Variants in KDM2B observed in about 807,000 individuals in gnomAD.
KDM2B encodes lysine demethylase 2B.
KDM2B carries 26 observed loss-of-function variants against 150.0 expected under a neutral mutation model. That is an observed-to-expected ratio of 0.17 (90% CI 0.13 to 0.24). The LOEUF (loss-of-function observed/expected upper bound fraction) is 0.24. Among genes scored for constraint, KDM2B ranks in the 10% least tolerant of loss-of-function variants. KDM2B has a pLI of 1.00. For synonymous variants in KDM2B, 734 were observed against 729.5 expected (o/e 1.01, Z -0.10); for missense variants, 1,265 against 1,816.9 (o/e 0.70, Z 5.52).
intron 4 of KDM2B, among the ~76,000 whole-genome samples, chr12:121,551,584 G>A (rs571798108): frequency 2.1e-4 from 32 of 152,042 alleles, no homozygotes; most frequent in Non-Finnish European, 2.1e-4. Context: ...ACAAAGTCTC[G>A]CTCTGTCGCC....
At chr12:121,560,523 C>A (rs1383365479) in intron 4 of KDM2B, among the ~76,000 whole-genome samples, 1 of 152,070 alleles carries the variant, frequency 6.6e-6, no homozygotes, top group Non-Finnish European at 1.5e-5. Context: ...TGGGGTTTCC[C>A]TTTGAAATTC....
chr12:121,499,895 G>A (rs1282115068), intron 11 of KDM2B, among the ~76,000 whole-genome samples: 6 of 151,988 alleles, frequency 3.9e-5, no homozygotes, highest in Non-Finnish European at 5.9e-5. Flanking sequence ...GTTACAGTGA[G>A]CCAAGATCGC....
chr12:121,580,435 C>G (rs1348782568), intron 1 of KDM2B: 3 of 1,157,286 alleles, frequency 2.6e-6, no homozygotes, highest in African/African-American at 1.6e-5. Context: ...CCGTTAGCGC[C>G]GTGGCATCGC....
In KDM2B at chr12:121,513,715, C is replaced by T. The variant is rs939607501; in HGVS notation, c.1048-313G>A. ...AAAACAGAATTCTCCCCTGACCTGCCTGCAGAGAGTGTGGGCACCTGCAGG... is the reference window on the plus strand; with the variant it reads ...AAAACAGAATTCTCCCCTGACCTGCTTGCAGAGAGTGTGGGCACCTGCAGG... On this transcript the variant is annotated intron_variant, in intron 9 of 22. Coordinates refer to ENST00000377071, the MANE Select transcript of KDM2B (RefSeq NM_032590.5). This position sits in a 1 kb window ranked among gnomAD's most constrained non-coding sequence, Gnocchi z 5.0. Among the ~76,000 whole-genome samples the T allele has an allele frequency of 6.6e-6, 1 of 152,126 alleles. No individual in the cohort carries two copies. Among genetic ancestry groups the T allele is most frequent in the East Asian group, 1.9e-4 (1 of 5,186 alleles).
intron 9 of KDM2B, among the ~76,000 whole-genome samples, chr12:121,514,416 C>CG (rs1307214030): frequency 6.6e-6 from 1 of 151,836 alleles, no homozygotes; most frequent in Non-Finnish European, 1.5e-5. Flanking sequence ...GGAGATTCCA[C>CG]GGGGGGCAGT....
intron 12 of KDM2B, among the ~76,000 whole-genome samples, chr12:121,489,763 G>A (rs1038964171): frequency 1.3e-5 from 2 of 152,160 alleles, no homozygotes; most frequent in Non-Finnish European, 2.9e-5. Context: ...AGAAAGTGCA[G>A]ATCCCAGGCC....
chr12:121,462,596 C>T (rs782008497), intron 12 of KDM2B, among the ~76,000 whole-genome samples: 47 of 151,866 alleles, frequency 3.1e-4, no homozygotes, highest in Non-Finnish European at 6.2e-4. Flanking sequence ...CAGGTTCAAG[C>T]GATTCTCTTA....
intron 4 of KDM2B, among the ~76,000 whole-genome samples, chr12:121,553,497 G>A (rs117788349): frequency 4.6e-5 from 7 of 152,250 alleles, no homozygotes; most frequent in East Asian, 3.9e-4. Context: ...GGTTCCCAGC[G>A]GAGCCTCCAG....
intron 4 of KDM2B, among the ~76,000 whole-genome samples, chr12:121,563,816 G>C (rs1214918817): frequency 6.6e-6 from 1 of 151,822 alleles, no homozygotes; most frequent in Non-Finnish European, 1.5e-5. Context: ...AGAATCACTT[G>C]AACCTGGGAG....
chr12:121,508,210 C>T (rs1885268890), intron 11 of KDM2B, among the ~76,000 whole-genome samples: 1 of 152,024 alleles, frequency 6.6e-6, no homozygotes, highest in African/African-American at 2.4e-5. Context: ...CCTCAGCCTC[C>T]AGAGTAGCTG....
rs1168876572 is a variant in KDM2B, at chr12:121,580,894, C to A, written c.18G>T (p.Met6Ile). The A allele has an allele frequency of 6.2e-7, 1 of 1,613,754 alleles. No individual in the cohort carries two copies. The highest frequency in any genetic ancestry group is 8.5e-7 in the Non-Finnish European group (1 of 1,179,854). The change falls in exon 1 of 23, where the codon ATG becomes ATT. Residue 6 changes from methionine to isoleucine, a missense_variant. Physicochemically the swap from Met to Ile is conservative, Grantham distance 10 (BLOSUM62 1). Coordinates refer to ENST00000377071, the MANE Select transcript of KDM2B (RefSeq NM_032590.5). MAGPQ[M>I]GGSAEDHPPR... ...GGGGGTGATCCTCTGCAGATCCCCCCATTTGCGGACCCGCCATGTGGAGGA... is the reference window on the plus strand; with the variant it reads ...GGGGGTGATCCTCTGCAGATCCCCCAATTTGCGGACCCGCCATGTGGAGGA...
At chr12:121,485,445 T>C (rs1882648656) in intron 12 of KDM2B, among the ~76,000 whole-genome samples, 1 of 152,166 alleles carries the variant, frequency 6.6e-6, no homozygotes. Flanking sequence ...GTCCTATCAG[T>C]GCTGCCTCCC....
chr12:121,565,625 T>C (rs1429433347), intron 4 of KDM2B, among the ~76,000 whole-genome samples: 3 of 143,734 alleles, frequency 2.1e-5, no homozygotes, highest in African/African-American at 8.5e-5. Flanking sequence ...GCCAAGAGGA[T>C]TTTTTTTTCT....
chr12:121,557,016 A>G (rs1407026147), intron 4 of KDM2B, among the ~76,000 whole-genome samples: 1 of 152,110 alleles, frequency 6.6e-6, no homozygotes, highest in Non-Finnish European at 1.5e-5. Flanking sequence ...GGCACTAACC[A>G]GAAATCAGCA....
In KDM2B at chr12:121,443,786, G is replaced by A. The variant is rs782072876; in HGVS notation, c.2459C>T (p.Ser820Leu). 4 of 1,592,876 alleles carry A rather than the reference G, an allele frequency of 2.5e-6. No homozygotes were observed. The highest frequency in any genetic ancestry group is 1.1e-5 in the South Asian group (1 of 89,440). ...GGAGGAACCGGGGGACGTTTGAAGC[G>A]ATGAGGCCTAAAGGGGGGTGGAGTG... ...QELSGRKRAS[S>L]LQTSPGSSSH... The change falls in exon 17 of 23, where the codon TCG (serine) becomes TTG (leucine). Residue 820 changes from serine (S) to leucine (L), a missense_variant. Physicochemically the swap from Ser to Leu is moderately radical, Grantham distance 145. Transcript: ENST00000377071.
At chr12:121,455,934 A>G (rs1467061023) in intron 12 of KDM2B, among the ~76,000 whole-genome samples, 1 of 152,248 alleles carries the variant, frequency 6.6e-6, no homozygotes, top group Non-Finnish European at 1.5e-5. Flanking sequence ...GAAGCTGAGC[A>G]GCCAACAGAG....
chr12:121,580,015 C>CAAAA, intron 1 of KDM2B: 1 of 1,197,852 alleles, frequency 8.3e-7, no homozygotes, highest in Non-Finnish European at 1.2e-6. Context: ...AAAAAAGCTA[C>CAAAA]ACACCAATCT....
At chr12:121,480,288 C>T (rs1881946045) in intron 12 of KDM2B, among the ~76,000 whole-genome samples, 1 of 151,898 alleles carries the variant, frequency 6.6e-6, no homozygotes, top group African/African-American at 2.4e-5. Flanking sequence ...GACTTTAAAA[C>T]TTATATCCAA....
chr12:121,562,667 G>C (rs1351883147), intron 4 of KDM2B, among the ~76,000 whole-genome samples: 1 of 151,160 alleles, frequency 6.6e-6, no homozygotes, highest in Non-Finnish European at 1.5e-5. Context: ...GGAGGAGGAA[G>C]GGGGGAGGAA....
Sources: gnomAD v4.1 joint callset for allele counts (sites outside exome capture counted in the v4.1 genomes callset) on GRCh38, gnomAD v4.1.1 for gene constraint, Gnocchi (gnomAD v3.1) non-coding constraint, MANE v1.5 for transcripts, NCBI Gene and HGNC (gene_info 2026-07-23, HGNC 2026-07-21) for gene names.